Variants in EEA1 observed in about 807,000 individuals in gnomAD.
EEA1 encodes early endosome antigen 1.
A neutral mutation model predicts 209.2 loss-of-function variants in EEA1; 111 were observed. That is an observed-to-expected ratio of 0.53 (90% CI 0.45 to 0.62). The LOEUF (loss-of-function observed/expected upper bound fraction) is 0.62. Among genes scored for constraint, EEA1 ranks in the 20% least tolerant of loss-of-function variants. The pLI is 0.00. For synonymous variants in EEA1, 536 were observed against 540.6 expected, an observed-to-expected ratio of 0.99 and a Z score of 0.12; for missense variants, 1,343 against 1,530.8, an observed-to-expected ratio of 0.88 and a Z score of 2.05.
chr12:92,815,964 G>A (rs2136678585), intron 15 of EEA1, among the ~76,000 whole-genome samples: 1 of 151,044 alleles, frequency 6.6e-6, no homozygotes, highest in East Asian at 2.0e-4. Flanking sequence ...AGAGGGAGAG[G>A]AGAAAGGAAG....
intron 20 of EEA1, 81 bp from the exon 21 acceptor site, chr12:92,799,167 AT>A: frequency 8.2e-7 from 1 of 1,220,206 alleles, no homozygotes; most frequent in Non-Finnish European, 1.1e-6. Flanking sequence ...AAAAAAATCT[AT>A]TTAGCCTTCA....
At chr12:92,816,548 A>C in intron 14 of EEA1, 148 bp from the exon 15 acceptor site, 1 of 625,858 alleles carries the variant, frequency 1.6e-6, no homozygotes, top group Non-Finnish European at 2.8e-6. Flanking sequence ...TTGCCAAAAT[A>C]TGTCAACATA....
At chr12:92,857,232 T>C (rs909612007) in intron 5 of EEA1, 43 bp downstream of exon 5, 6 of 1,462,612 alleles carry the variant, frequency 4.1e-6, no homozygotes, top group Non-Finnish European at 5.5e-6. Context: ...ACAATAAAAA[T>C]AAACAACTAA....
chr12:92,850,506 AT>A (rs1173071411), intron 9 of EEA1, among the ~76,000 whole-genome samples: 3 of 152,084 alleles, frequency 2.0e-5, no homozygotes, highest in Non-Finnish European at 4.4e-5. Context: ...CCTGGCCAAC[AT>A]GGTGAAGCCC....
chr12:92,787,348 T>C (rs922041419), intron 22 of EEA1, among the ~76,000 whole-genome samples: 1 of 152,156 alleles, frequency 6.6e-6, no homozygotes, highest in Non-Finnish European at 1.5e-5. Context: ...ATAAACTTGA[T>C]ACTTTATCTA....
At chr12:92,823,656 G>A (rs993158244) in intron 13 of EEA1, among the ~76,000 whole-genome samples, 6 of 152,142 alleles carry the variant, frequency 3.9e-5, no homozygotes, top group Admixed American at 1.3e-4. Flanking sequence ...TCCATAATGA[G>A]GGACTTTGCC....
chr12:92,872,497 C>A (rs996782725), intron 2 of EEA1, among the ~76,000 whole-genome samples: 2 of 152,354 alleles, frequency 1.3e-5, no homozygotes, highest in East Asian at 3.9e-4. Context: ...CTTCCCCACA[C>A]CCATAATTCC....
chr12:92,872,166 G>C (rs893530728), intron 2 of EEA1, among the ~76,000 whole-genome samples: 1 of 150,508 alleles, frequency 6.6e-6, no homozygotes, highest in South Asian at 2.1e-4. Context: ...CTCCTGCCTC[G>C]GCCTCCTGAG....
At chr12:92,789,529 C>G (rs1393260467) in intron 21 of EEA1, among the ~76,000 whole-genome samples, 1 of 151,890 alleles carries the variant, frequency 6.6e-6, no homozygotes, top group Non-Finnish European at 1.5e-5. Flanking sequence ...AGAGTAGCCA[C>G]GAGCATCAAA....
At chr12:92,819,263 AGAC>A in intron 14 of EEA1, 42 bp downstream of exon 14, 2 of 1,451,076 alleles carry the variant, frequency 1.4e-6, no homozygotes, top group Non-Finnish European at 1.9e-6. Flanking sequence ...AGACTTAGAG[AGAC>A]AGAAGTAAAT....
At chr12:92,797,099 C>G (rs896586113) in intron 21 of EEA1, among the ~76,000 whole-genome samples, 1 of 151,874 alleles carries the variant, frequency 6.6e-6, no homozygotes, top group African/African-American at 2.4e-5. Flanking sequence ...TTTTGTTTTG[C>G]TTTTTTGAGA....
chr12:92,819,289 A>C lies in EEA1; in HGVS notation c.1728+19T>G. 6.4e-7 allele frequency: 1 copy of C among 1,553,056 alleles called. No homozygotes were observed. Among genetic ancestry groups the C allele is most frequent in the South Asian group, 1.2e-5 (1 of 80,598 alleles). ...GACAGAAGTAAATTTTACAAATATAATATATTTTACAAGCTTACTTGCTCC... is the reference window on the plus strand; with the variant it reads ...GACAGAAGTAAATTTTACAAATATACTATATTTTACAAGCTTACTTGCTCC... On this transcript the variant is annotated intron_variant, in intron 14 of 28. Transcript: ENST00000322349.
chr12:92,897,996 C>T (rs554055989), intron 1 of EEA1, among the ~76,000 whole-genome samples: 2 of 152,226 alleles, frequency 1.3e-5, no homozygotes, highest in South Asian at 4.1e-4. Flanking sequence ...TTATGTGACT[C>T]GTTTTATTGC....
At chr12:92,795,662 C>G (rs138273781) in intron 21 of EEA1, among the ~76,000 whole-genome samples, 2 of 152,180 alleles carry the variant, frequency 1.3e-5, no homozygotes, top group African/African-American at 4.8e-5. Context: ...TTGGTGCTAA[C>G]TGCCTATCGG....
chr12:92,866,817 G>A (rs1394212636), intron 2 of EEA1, among the ~76,000 whole-genome samples: 2 of 151,914 alleles, frequency 1.3e-5, no homozygotes, highest in Non-Finnish European at 2.9e-5. Context: ...TCTCATCAAC[G>A]CCCACCTTTC....
chr12:92,810,449 T>C (rs540445935), intron 17 of EEA1, among the ~76,000 whole-genome samples: 1 of 152,242 alleles, frequency 6.6e-6, no homozygotes, highest in Middle Eastern at 3.4e-3. Context: ...CCTTTGCTAT[T>C]ATCGTTTGTC....
intron 5 of EEA1, 34 bp from the exon 6 acceptor site, chr12:92,853,988 TA>T: frequency 3.3e-6 from 5 of 1,495,304 alleles, no homozygotes; most frequent in Non-Finnish European, 4.4e-6. Flanking sequence ...ACAAATGAAT[TA>T]AAAGGAAAAG....
rs200457532 is a variant in EEA1, at chr12:92,832,743, T to C, written c.1023A>G (p.Gln341=). Residue 341 remains glutamine, a synonymous_variant, in exon 11 of 29, where the codon CAA becomes CAG. Coordinates refer to ENST00000322349, the MANE Select transcript of EEA1 (RefSeq NM_003566.4). ...SKKNIQATLH[Q]KDLDCQQLQS... ...GAAGCTGTTGACAATCTAGGTCTTT[T>C]TGATGAAGGGTTGCCTGAATATTCT... 116 of 1,614,062 alleles carry C rather than the reference T, an allele frequency of 7.2e-5. 1 individual carries two copies. Among genetic ancestry groups the C allele is most frequent in the South Asian group, 6.7e-4 (61 of 91,080 alleles).
chr12:92,777,586 G>A lies in EEA1; in HGVS notation c.3971C>T (p.Thr1324Ile). 6.2e-7 allele frequency: 1 copy of A among 1,612,374 alleles called. No homozygotes were observed. Among genetic ancestry groups the A allele is most frequent in the Non-Finnish European group, 8.5e-7 (1 of 1,178,854 alleles). ...LELQRKLDNT[T>I]AAVQELGREN... ...TCTGCCCAGCTCCTGCACTGCTGCA[G>A]TTGTATTATCCAGCTTTCTTTGCAA... The change falls in exon 27 of 29, where the codon ACT (threonine) becomes ATT (isoleucine). Residue 1324 changes from threonine (T) to isoleucine (I), a missense_variant. This residue lies in a region of EEA1 where 1,307 missense variants were observed against 1,465.5 expected (regional missense o/e 0.89). Transcript: ENST00000322349.
Sources: gnomAD v4.1 joint callset for allele counts (sites outside exome capture counted in the v4.1 genomes callset) on GRCh38, gnomAD v4.1.1 for gene constraint, gnomAD v4.1.1 regional missense constraint, MANE v1.5 for transcripts, NCBI Gene and HGNC (gene_info 2026-07-23, HGNC 2026-07-21) for gene names.